Variants in SIPA1L1 observed in about 807,000 individuals in gnomAD.
SIPA1L1 encodes signal induced proliferation associated 1 like 1.
In SIPA1L1, 26 loss-of-function variants were observed where a neutral mutation model predicts 162.7. The observed-to-expected ratio is 0.16, with a 90% CI of 0.12 to 0.22. The LOEUF (loss-of-function observed/expected upper bound fraction) is 0.22, where lower values mean the gene tolerates loss of function less well. SIPA1L1 is among the 10% of genes least tolerant of loss of function. The pLI, the probability that SIPA1L1 is intolerant of heterozygous loss-of-function variation, is 1.00. For missense variants in SIPA1L1, 1,874 were observed against 2,241.0 expected (o/e 0.84, Z 3.31); for synonymous variants, 829 against 837.4 (o/e 0.99, Z 0.17).
At chr14:71,436,601 A>G (rs1036198077) in intron 2 of SIPA1L1, among the ~76,000 whole-genome samples, 3 of 152,042 alleles carry the variant, frequency 2.0e-5, no homozygotes, top group African/African-American at 7.2e-5. Context: ...TGGCTTGTTC[A>G]TGAACCAGTT....
At chr14:71,675,947 A>G (rs1269156432) in intron 12 of SIPA1L1, among the ~76,000 whole-genome samples, 2 of 152,064 alleles carry the variant, frequency 1.3e-5, no homozygotes, top group Non-Finnish European at 2.9e-5. Flanking sequence ...TTTAAAATAT[A>G]TATAATAGTT....
chr14:71,396,680 A>G (rs2041231662), intron 2 of SIPA1L1, among the ~76,000 whole-genome samples: 1 of 152,164 alleles, frequency 6.6e-6, no homozygotes, highest in African/African-American at 2.4e-5. Flanking sequence ...CATTAACCCT[A>G]ATTACGTTGT....
intron 2 of SIPA1L1, among the ~76,000 whole-genome samples, chr14:71,445,388 A>G (rs1465109711): frequency 6.6e-6 from 1 of 152,198 alleles, no homozygotes; most frequent in South Asian, 2.1e-4. Flanking sequence ...GTTTAGCTAC[A>G]CTGATCACTG....
At chr14:71,349,935 G>A (rs1385537749) in intron 2 of SIPA1L1, among the ~76,000 whole-genome samples, 2 of 152,188 alleles carry the variant, frequency 1.3e-5, no homozygotes, top group Non-Finnish European at 2.9e-5. Flanking sequence ...TGGGGAGGAT[G>A]TGGAGAATAG....
chr14:71,479,832 T>G (rs2048202260), intron 2 of SIPA1L1, among the ~76,000 whole-genome samples: 1 of 152,174 alleles, frequency 6.6e-6, no homozygotes, highest in Non-Finnish European at 1.5e-5. Context: ...ACTAAAGGTA[T>G]CCTCTTGTCT....
At chr14:71,338,218 C>T (rs61991214) in intron 2 of SIPA1L1, among the ~76,000 whole-genome samples, 3,435 of 152,248 alleles carry the variant, frequency 0.023, 49 homozygotes, top group Non-Finnish European at 0.033. Context: ...GAGCCTAGCA[C>T]TTAATGATTA....
intron 5 of SIPA1L1, among the ~76,000 whole-genome samples, chr14:71,616,352 A>G (rs958911745): frequency 2.0e-5 from 3 of 152,230 alleles, no homozygotes; most frequent in African/African-American, 7.2e-5. Context: ...TGGAAGTCAG[A>G]TGATAATTCT....
chr14:71,601,639 T>A (rs2148020838), intron 5 of SIPA1L1, among the ~76,000 whole-genome samples: 1 of 152,300 alleles, frequency 6.6e-6, no homozygotes, highest in Admixed American at 6.5e-5. Context: ...TCTTCTTCAG[T>A]TTTTTGGAAT....
intron 5 of SIPA1L1, among the ~76,000 whole-genome samples, chr14:71,617,733 A>T (rs1027136420): frequency 6.6e-6 from 1 of 152,218 alleles, no homozygotes; most frequent in African/African-American, 2.4e-5. Flanking sequence ...TTGTGTGATA[A>T]TGAGATATTA....
intron 2 of SIPA1L1, among the ~76,000 whole-genome samples, chr14:71,440,371 G>T (rs2044739607): frequency 6.6e-6 from 1 of 152,040 alleles, no homozygotes; most frequent in African/African-American, 2.4e-5. Flanking sequence ...AATAAAATAT[G>T]TCTAGGTACA....
chr14:71,450,218 A>T, intron 2 of SIPA1L1, among the ~76,000 whole-genome samples: 1 of 152,046 alleles, frequency 6.6e-6, no homozygotes, highest in South Asian at 2.1e-4. Context: ...GTAACTTTAT[A>T]TTTAGATTTA....
At chr14:71,487,569 T>A (rs559362351) in intron 2 of SIPA1L1, among the ~76,000 whole-genome samples, 1 of 152,178 alleles carries the variant, frequency 6.6e-6, no homozygotes, top group African/African-American at 2.4e-5. Context: ...CCATTAAATA[T>A]GTAATGAATG....
intron 4 of SIPA1L1, among the ~76,000 whole-genome samples, chr14:71,548,996 TATTA>T (rs1376955109): frequency 3.3e-5 from 5 of 152,298 alleles, no homozygotes; most frequent in East Asian, 3.9e-4. Context: ...CAGAGGTTAC[TATTA>T]ATTGTTTATA....
intron 7 of SIPA1L1, among the ~76,000 whole-genome samples, chr14:71,627,682 A>G (rs545925136): frequency 2.2e-4 from 34 of 152,316 alleles, no homozygotes; most frequent in Non-Finnish European, 3.4e-4. Context: ...CTTTACTGGC[A>G]TAATCTGATT....
intron 2 of SIPA1L1, among the ~76,000 whole-genome samples, chr14:71,452,235 C>T (rs2045885025): frequency 6.6e-6 from 1 of 152,104 alleles, no homozygotes; most frequent in East Asian, 1.9e-4. Flanking sequence ...AACCACTGTT[C>T]TGACTTATGT....
chr14:71,447,002 C>T (rs2045453549), intron 2 of SIPA1L1, among the ~76,000 whole-genome samples: 1 of 143,540 alleles, frequency 7.0e-6, no homozygotes, highest in Non-Finnish European at 1.5e-5. Flanking sequence ...ACCTTGACCT[C>T]CCAGGCTCAA....
intron 5 of SIPA1L1, among the ~76,000 whole-genome samples, chr14:71,616,789 G>A (rs1207540656): frequency 6.6e-6 from 1 of 152,184 alleles, no homozygotes; most frequent in African/African-American, 2.4e-5. Flanking sequence ...CATCTGCCCT[G>A]GAGAAACGGA....
intron 2 of SIPA1L1, among the ~76,000 whole-genome samples, chr14:71,383,124 A>G (rs565514368): frequency 2.0e-5 from 3 of 152,210 alleles, no homozygotes; most frequent in Non-Finnish European, 2.9e-5. Context: ...AATGATAATA[A>G]TGCTAGTGTT....
intron 2 of SIPA1L1, among the ~76,000 whole-genome samples, chr14:71,414,455 C>G (rs929184765): frequency 6.6e-6 from 1 of 152,106 alleles, no homozygotes; most frequent in Non-Finnish European, 1.5e-5. Flanking sequence ...ATCAAATGTC[C>G]GATATTTTCT....
Sources: allele counts gnomAD v4.1 joint callset (sites outside exome capture counted in the v4.1 genomes callset), GRCh38; gene constraint gnomAD v4.1.1; transcripts MANE v1.5; gene names NCBI Gene and HGNC (gene_info 2026-07-23, HGNC 2026-07-21).